Variants in IL10RB observed in about 807,000 individuals in gnomAD.
IL10RB encodes interleukin 10 receptor subunit beta, also known as interleukin-10 receptor subunit beta.
In IL10RB, 30 loss-of-function variants were observed where a neutral mutation model predicts 38.7. The ratio of observed to expected loss-of-function variants is 0.78; its 90% CI spans 0.58 to 1.05. The LOEUF is 1.05. Among genes scored for constraint, IL10RB ranks in the 50% least tolerant of loss-of-function variants. The pLI is 0.00. For synonymous variants in IL10RB, 142 were observed against 145.9 expected (o/e 0.97, Z 0.19); for missense variants, 328 against 397.1 (o/e 0.83, Z 1.48).
At chr21:33,289,115 A>G (rs1167293958) in intron 6 of IL10RB, among the ~76,000 whole-genome samples, 1 of 152,182 alleles carries the variant, frequency 6.6e-6, no homozygotes, top group Non-Finnish European at 1.5e-5. Flanking sequence ...CTGAGGCAAG[A>G]GGGATGGGCG....
chr21:33,276,602 G>A lies in IL10RB; in HGVS notation c.180G>A (p.Arg60=). 6.2e-7 allele frequency: 1 copy of A among 1,612,896 alleles called. No homozygotes were observed. The highest frequency in any genetic ancestry group is 8.5e-7 in the Non-Finnish European group (1 of 1,178,944). The change falls in exon 3 of 7, where the codon AGG becomes AGA. Residue 60 remains arginine (R), a synonymous_variant. Transcript: ENST00000290200. ...LTFTAQYLSY[R]IFQDKCMNTT... ...TATCTTTTTGATTGTGTAGTTATAG[G>A]ATATTCCAAGATAAATGCATGAATA...
chr21:33,290,423 A>G (rs535644967), intron 6 of IL10RB, among the ~76,000 whole-genome samples: 12 of 152,336 alleles, frequency 7.9e-5, no homozygotes, highest in African/African-American at 2.9e-4. Flanking sequence ...ATGTGAAAAA[A>G]CAAGTGGTAG....
At chr21:33,288,309 G>T in intron 6 of IL10RB, 48 bp downstream of exon 6, 1 of 1,574,448 alleles carries the variant, frequency 6.4e-7, no homozygotes, top group South Asian at 1.1e-5. Flanking sequence ...TGATCGGAAA[G>T]AGCTTTCCTT....
rs754344615 is a variant in IL10RB at position 33,296,416 on chromosome 21, C to G, written c.*59C>G. On this transcript the variant is annotated 3_prime_UTR_variant, in exon 7 of 7. Transcript: ENST00000290200. ...GTGACGTACTCCATCTCACATCTGC[C>G]TCAGTGAGGGATCAGGGCAGCAAAC... 9.8e-6 allele frequency: 15 copies of G among 1,530,164 alleles called. No individual in the cohort carries two copies. The South Asian group carries it at 1.7e-4, about 17-fold the overall frequency. The allele number at this position is 1,530,164 out of a possible 1,614,324, so 94.8% of individuals were successfully genotyped here.
intron 6 of IL10RB, among the ~76,000 whole-genome samples, chr21:33,290,596 C>G (rs938868863): frequency 6.6e-6 from 1 of 152,194 alleles, no homozygotes; most frequent in Non-Finnish European, 1.5e-5. Flanking sequence ...CGCAGGTGTT[C>G]CACCTGCTGG....
intron 1 of IL10RB, among the ~76,000 whole-genome samples, chr21:33,266,800 T>C (rs754253026): frequency 2.0e-5 from 3 of 152,162 alleles, no homozygotes; most frequent in African/African-American, 7.2e-5. Flanking sequence ...CCTGCAGCTC[T>C]CTGCTGGCGG....
chr21:33,303,835 G>A (rs1205930973), intron 1 of IL10RB, among the ~76,000 whole-genome samples: 1 of 152,242 alleles, frequency 6.6e-6, no homozygotes, highest in Non-Finnish European at 1.5e-5. Context: ...TGTCACTGGA[G>A]AGAACACAGG....
chr21:33,296,638 TA>T lies in IL10RB; in HGVS notation c.*283del. 1 of 559,538 alleles carries T rather than the reference TA, an allele frequency of 1.8e-6. No individual in the cohort carries two copies. Among genetic ancestry groups the T allele is most frequent in the South Asian group, 1.6e-5 (1 of 63,948 alleles). 34.7% of individuals were successfully genotyped at this position (559,538 alleles called of 1,614,324 possible). A position where few individuals can be genotyped will look rare whatever the true frequency, so the allele number is the denominator to read the frequency against. Reference sequence around the variant, plus strand: ...TTTTCAGCCTTTTATATCACTAAAATAAGATCATGTTTTAATTGTGAGAAAC... The same window carrying T: ...TTTTCAGCCTTTTATATCACTAAAATAGATCATGTTTTAATTGTGAGAAAC... On this transcript the variant is annotated 3_prime_UTR_variant, in exon 7 of 7. Transcript: ENST00000290200.
intron 5 of IL10RB, among the ~76,000 whole-genome samples, chr21:33,283,478 C>T (rs1197634729): frequency 6.6e-6 from 1 of 152,168 alleles, no homozygotes; most frequent in African/African-American, 2.4e-5. Flanking sequence ...TCTGGTGGAG[C>T]GAGGTCTGCC....
Position 33,267,183 on chromosome 21 carries a change from T to C in IL10RB, c.49+669T>C, listed in dbSNP as rs77211348. Among the ~76,000 whole-genome samples, 89 of 152,186 alleles carry C rather than the reference T, an allele frequency of 5.8e-4. No homozygotes were observed. In the East Asian group the frequency reaches 0.015, roughly 25 times the overall value. On this transcript the variant is annotated intron_variant, in intron 1 of 6. Coordinates refer to ENST00000290200, the MANE Select transcript of IL10RB (RefSeq NM_000628.5). ...CTTTCTCATGAACTCTTCCCTGGCCTTCCGGGATACCCCTCCGGTTTCCCG... is the reference window on the plus strand; with the variant it reads ...CTTTCTCATGAACTCTTCCCTGGCCCTCCGGGATACCCCTCCGGTTTCCCG...
chr21:33,275,930 A>G (rs1379276513), intron 2 of IL10RB, among the ~76,000 whole-genome samples: 1 of 152,244 alleles, frequency 6.6e-6, no homozygotes, highest in African/African-American at 2.4e-5. Flanking sequence ...ATCAAAGATC[A>G]CTGATCACAG....
chr21:33,275,145 AACTTT>A (rs1356584556), intron 2 of IL10RB, among the ~76,000 whole-genome samples: 2 of 144,292 alleles, frequency 1.4e-5, no homozygotes, highest in Non-Finnish European at 3.0e-5. Context: ...GCTAACTTCC[AACTTT>A]TCTTTTTTTT....
chr21:33,303,878 T>C (rs1334727194), intron 1 of IL10RB, among the ~76,000 whole-genome samples: 1 of 151,182 alleles, frequency 6.6e-6, no homozygotes, highest in East Asian at 1.9e-4. Context: ...ACTAAGGGGG[T>C]GAGGGGTTAA....
chr21:33,267,512 T>G (rs1355884258), intron 1 of IL10RB, among the ~76,000 whole-genome samples: 2 of 84,670 alleles, frequency 2.4e-5, no homozygotes, highest in Admixed American at 1.1e-4. Context: ...GTTTTTTTGT[T>G]TTTTTGTTTT....
chr21:33,288,127 G>T lies in IL10RB; in HGVS notation c.670G>T (p.Ala224Ser). ...HDETVPSWMV[A>S]VILMASVFMV... ...AGAAACGGTCCCCTCCTGGATGGTGGCCGTCATCCTCATGGCCTCGGTCTT... is the reference window on the plus strand; with the variant it reads ...AGAAACGGTCCCCTCCTGGATGGTGTCCGTCATCCTCATGGCCTCGGTCTT... The change falls in exon 6 of 7, where the codon GCC becomes TCC. Residue 224 changes from alanine to serine, a missense_variant. Physicochemically the swap from Ala to Ser is moderately conservative, Grantham distance 99 (BLOSUM62 1). Transcript: ENST00000290200. 1 of 1,614,088 alleles carries T rather than the reference G, an allele frequency of 6.2e-7. No individual in the cohort carries two copies. Among genetic ancestry groups the T allele is most frequent in the South Asian group, 1.1e-5 (1 of 91,076 alleles).
intron 2 of IL10RB, among the ~76,000 whole-genome samples, chr21:33,273,256 T>C (rs1172312249): frequency 6.6e-6 from 1 of 152,216 alleles, no homozygotes; most frequent in African/African-American, 2.4e-5. Context: ...ATCACAGAGA[T>C]AAGGCAGTTT....
downstream of IL10RB, among the ~76,000 whole-genome samples, chr21:33,299,622 T>C (rs2082980713): frequency 6.6e-6 from 1 of 152,124 alleles, no homozygotes; most frequent in African/African-American, 2.4e-5. Flanking sequence ...TTCCTTCCTC[T>C]CACAACCATG....
chr21:33,287,916 G>A lies in IL10RB; in HGVS notation c.647-188G>A, dbSNP rs140155531. Among the ~76,000 whole-genome samples, 16 of 152,260 alleles carry A rather than the reference G, an allele frequency of 1.1e-4. No individual in the cohort carries two copies. The East Asian group carries it at 3.1e-3, about 29-fold the overall frequency. ...GCAATAATTCCAGAAACCAAACTTTGGAGAAGATAGGAAAAGGGTGAAACT... is the reference window on the plus strand; with the variant it reads ...GCAATAATTCCAGAAACCAAACTTTAGAGAAGATAGGAAAAGGGTGAAACT... On this transcript the variant is annotated intron_variant, in intron 5 of 6. Transcript: ENST00000290200.
downstream of IL10RB, among the ~76,000 whole-genome samples, chr21:33,297,665 A>G (rs1016570501): frequency 2.6e-5 from 4 of 151,922 alleles, no homozygotes; most frequent in African/African-American, 9.7e-5. Flanking sequence ...AAAAGTTTTA[A>G]AATTAGGCAT....
Sources: allele counts gnomAD v4.1 joint callset (sites outside exome capture counted in the v4.1 genomes callset), GRCh38; gene constraint gnomAD v4.1.1; transcripts MANE v1.5; gene names NCBI Gene and HGNC (gene_info 2026-07-23, HGNC 2026-07-21).